Variants in DACH2 observed in about 807,000 individuals in gnomAD.
DACH2 encodes dachshund family transcription factor 2.
A neutral mutation model predicts 35.8 loss-of-function variants in DACH2; 17 were observed. That is an observed-to-expected ratio of 0.48 (90% CI 0.33 to 0.71). The LOEUF (loss-of-function observed/expected upper bound fraction) is 0.71. DACH2 is among the 30% of genes least tolerant of loss of function. The pLI is 0.02. For synonymous variants in DACH2, 195 were observed against 177.3 expected (o/e 1.10, Z -0.79); for missense variants, 469 against 472.7 (o/e 0.99, Z 0.07).
intron 2 of DACH2, among the ~76,000 whole-genome samples, chrX:86,433,289 G>A (rs1239710932): frequency 9.0e-6 from 1 of 111,664 alleles, no homozygotes; most frequent in Non-Finnish European, 1.9e-5. Context: ...ATTATTTCCT[G>A]TAGTAAGATC....
chrX:86,387,894 G>T (rs1214711395), intron 2 of DACH2, among the ~76,000 whole-genome samples: 1 of 111,992 alleles, frequency 8.9e-6, no homozygotes, highest in African/African-American at 3.2e-5. Flanking sequence ...CAAAATGCAG[G>T]CAGAAACATA....
chrX:86,694,495 T>C (rs2041044800), intron 4 of DACH2, among the ~76,000 whole-genome samples: 1 of 111,914 alleles, frequency 8.9e-6, no homozygotes, highest in Non-Finnish European at 1.9e-5. Context: ...GAAGCAATGG[T>C]TTCCTATTTT....
chrX:86,274,465 C>CT (rs1475599082), intron 1 of DACH2, among the ~76,000 whole-genome samples: 4 of 13,734 alleles, frequency 2.9e-4, no homozygotes, highest in Non-Finnish European at 3.6e-4. Context: ...TTTTTTTTTT[C>CT]TTTTTTTTTT....
intron 7 of DACH2, among the ~76,000 whole-genome samples, chrX:86,791,442 A>G (rs748268403): frequency 5.4e-5 from 6 of 111,728 alleles, no homozygotes; most frequent in Admixed American, 1.9e-4. Context: ...ATCCTCTTCT[A>G]ATTACTGGCT....
At chrX:86,652,496 G>A (rs1026945112) in intron 4 of DACH2, among the ~76,000 whole-genome samples, 1 of 112,005 alleles carries the variant, frequency 8.9e-6, no homozygotes, top group African/African-American at 3.2e-5. Flanking sequence ...GAGTACTTCT[G>A]TTTTTAGTTC....
chrX:86,197,650 G>T (rs1201566313), intron 1 of DACH2, among the ~76,000 whole-genome samples: 1 of 110,912 alleles, frequency 9.0e-6, no homozygotes, highest in South Asian at 3.8e-4. Context: ...AATGAAAAGA[G>T]ATCAAAAAAG....
intron 3 of DACH2, among the ~76,000 whole-genome samples, chrX:86,532,472 T>G (rs2038736025): frequency 9.4e-6 from 1 of 106,107 alleles, no homozygotes; most frequent in Admixed American, 1.0e-4. Context: ...CTGATGGTTT[T>G]GAAGTATAGC....
chrX:86,460,436 A>G (rs1321400739), intron 2 of DACH2, among the ~76,000 whole-genome samples: 2 of 111,008 alleles, frequency 1.8e-5, no homozygotes, highest in African/African-American at 6.5e-5. Flanking sequence ...TACCTTTAAA[A>G]CATATATTTG....
intron 10 of DACH2, among the ~76,000 whole-genome samples, chrX:86,815,517 C>G (rs1312647848): frequency 9.2e-6 from 1 of 108,573 alleles, no homozygotes; most frequent in Non-Finnish European, 1.9e-5. Context: ...GTCCCTAGAG[C>G]CAGTACTACA....
At chrX:86,196,031 C>A (rs1187694959) in intron 1 of DACH2, among the ~76,000 whole-genome samples, 2 of 111,817 alleles carry the variant, frequency 1.8e-5, no homozygotes, top group Non-Finnish European at 3.8e-5. Context: ...GCCAGAGTGC[C>A]TTCTTTCCTC....
chrX:86,832,192 G>A lies in DACH2; in HGVS notation c.*37G>A, dbSNP rs758900030. 9.4e-7 allele frequency: 1 copy of A among 1,060,389 alleles called. No individual in the cohort carries two copies. The highest frequency in any genetic ancestry group is 3.0e-5 in the East Asian group (1 of 32,928). 87.4% of individuals were successfully genotyped at this position (1,060,389 alleles called of 1,213,427 possible). A position where few individuals can be genotyped will look rare whatever the true frequency, so the allele number is the denominator to read the frequency against. ...TGGCTTTACATAAATGAAGATGCTT[G>A]TGATTCCAGTTTATCTCTGAAACTA... is the stretch of plus-strand genomic sequence containing the variant. On this transcript the variant is annotated 3_prime_UTR_variant, in exon 12 of 12. Coordinates refer to ENST00000373125, the MANE Select transcript of DACH2 (RefSeq NM_053281.3).
chrX:86,244,553 G>C (rs765121215), intron 1 of DACH2, among the ~76,000 whole-genome samples: 1 of 111,632 alleles, frequency 9.0e-6, no homozygotes, highest in South Asian at 3.8e-4. Context: ...GTTTGACACT[G>C]CAGTGAGCCA....
intron 1 of DACH2, among the ~76,000 whole-genome samples, chrX:86,334,836 G>T (rs1196267863): frequency 8.9e-6 from 1 of 111,955 alleles, no homozygotes; most frequent in Non-Finnish European, 1.9e-5. Context: ...GTGTGCCCAT[G>T]CCTATGTCCT....
chrX:86,274,476 GAGACGGAGTCTTTCTGTT>G (rs2033875058), intron 1 of DACH2, among the ~76,000 whole-genome samples: 1 of 13,411 alleles, frequency 7.5e-5, no homozygotes, highest in African/African-American at 5.5e-4. Context: ...TTTTTTTTTT[GAGACGGAGTCTTTCTGTT>G]TTTTTTTTTT....
At chrX:86,473,274 A>G (rs1187115631) in intron 2 of DACH2, among the ~76,000 whole-genome samples, 1 of 111,218 alleles carries the variant, frequency 9.0e-6, no homozygotes, top group Non-Finnish European at 1.9e-5. Flanking sequence ...GTGGTACATG[A>G]GAAGTCTTGA....
intron 3 of DACH2, among the ~76,000 whole-genome samples, chrX:86,517,551 G>A (rs1196649916): frequency 9.2e-6 from 1 of 108,888 alleles, no homozygotes; most frequent in East Asian, 2.9e-4. Context: ...CGAGTAGCTG[G>A]GACTACAGGC....
At chrX:86,609,550 G>T (rs1260596519) in intron 3 of DACH2, among the ~76,000 whole-genome samples, 1 of 111,830 alleles carries the variant, frequency 8.9e-6, no homozygotes, top group East Asian at 2.8e-4. Flanking sequence ...TTATTAAAGA[G>T]TTGATTATTT....
chrX:86,164,856 G>T (rs1202110101), intron 1 of DACH2, among the ~76,000 whole-genome samples: 3 of 111,497 alleles, frequency 2.7e-5, no homozygotes, highest in Non-Finnish European at 5.7e-5. Flanking sequence ...ATAGTATGAA[G>T]TTGGGTAATG....
chrX:86,552,117 G>A (rs958809693), intron 3 of DACH2, among the ~76,000 whole-genome samples: 8 of 111,532 alleles, frequency 7.2e-5, no homozygotes, highest in South Asian at 3.7e-4. Context: ...GTGTCTTGGG[G>A]TTTCACATGT....
Sources: gnomAD v4.1 joint callset for allele counts (sites outside exome capture counted in the v4.1 genomes callset) on GRCh38, gnomAD v4.1.1 for gene constraint, MANE v1.5 for transcripts, NCBI Gene and HGNC (gene_info 2026-07-23, HGNC 2026-07-21) for gene names.